The following GOLGA6C variants were observed in gnomAD, a reference collection of about 807,000 sequenced individuals.
GOLGA6C encodes the protein golgin A6 family member C, also known as golgin subfamily A member 6C.
GOLGA6C carries 3 observed loss-of-function variants against 57.5 expected under a neutral mutation model. That is an observed-to-expected ratio of 0.05 (90% CI 0.02 to 0.13). GOLGA6C has a LOEUF of 0.13. Ranked by LOEUF, GOLGA6C falls within the 10% of genes least tolerant of loss-of-function variation. The probability of loss-of-function intolerance (pLI) is 1.00; values close to 1 mark genes in which losing one functional copy is unlikely to be tolerated. For synonymous variants in GOLGA6C, 32 were observed against 203.8 expected (o/e 0.16, Z 7.18); for missense variants, 88 against 525.6 (o/e 0.17, Z 8.14).
At chr15:75,270,019 G>A in intron 17 of GOLGA6C, 34 bp downstream of exon 17, 1 of 1,594,770 alleles carries the variant, frequency 6.3e-7, no homozygotes, top group Non-Finnish European at 8.5e-7. Context: ...TGGGCAGGCA[G>A]GGGCAGGGGA....
At position 75,272,871 on chromosome 15, in the gene GOLGA6C, A is replaced by G. The variant is rs1419862062; in HGVS notation, c.*2672A>G. Among the ~76,000 whole-genome samples, 9 of 152,024 alleles carry G rather than the reference A, an allele frequency of 5.9e-5. No individual in the cohort carries two copies. Among genetic ancestry groups the G allele is most frequent in the African/African-American group, 2.2e-4 (9 of 41,218 alleles). ...CAGCTTTCAATTTGCTTAGAAGGCA[A>G]CATTAGAAGGGTAGAGTTTAATCAG... On this transcript the variant is annotated 3_prime_UTR_variant, in exon 18 of 18. Transcript: ENST00000300576.
chr15:75,259,100 C>G (rs1395222970), intron 1 of GOLGA6C, among the ~76,000 whole-genome samples: 1 of 151,968 alleles, frequency 6.6e-6, no homozygotes, highest in African/African-American at 2.4e-5. Flanking sequence ...ACTCTGCTCT[C>G]CCCTCCTGCT....
rs201850634 is a variant in GOLGA6C, at chr15:75,270,248, G to A, written c.*49G>A. 7.9e-5 allele frequency: 124 copies of A among 1,576,328 alleles called. 10 individuals are homozygous for A. The South Asian group carries it at 1.2e-3, about 16-fold the overall frequency. On this transcript the variant is annotated 3_prime_UTR_variant, in exon 18 of 18. Transcript: ENST00000300576. ...ACCCTGCGTGCCATTCTTCTACCAG[G>A]CAGCCGAGAACAGGGAGATAAACAT...
chr15:75,270,569 C>A lies in GOLGA6C; in HGVS notation c.*370C>A, dbSNP rs1314972857. Among the ~76,000 whole-genome samples the A allele has an allele frequency of 1.3e-5, 1 of 75,810 alleles. No homozygotes were observed. Among genetic ancestry groups the A allele is most frequent in the African/African-American group, 5.7e-5 (1 of 17,494 alleles). The allele number at this position is 75,810 out of a possible 152,430, so 49.7% of individuals were successfully genotyped here. A position where few individuals can be genotyped will look rare whatever the true frequency, so the allele number is the denominator to read the frequency against. Reference sequence around the variant, plus strand: ...GGGAATTCAAACACACAAAGACCCACTAATTTGCACAAAACTATTCTGGCT... The same window carrying A: ...GGGAATTCAAACACACAAAGACCCAATAATTTGCACAAAACTATTCTGGCT... On this transcript the variant is annotated 3_prime_UTR_variant, in exon 18 of 18. Coordinates refer to ENST00000300576, the MANE Select transcript of GOLGA6C (RefSeq NM_001164404.2).
At position 75,270,324 on chromosome 15, in the gene GOLGA6C, G is replaced by C. The variant is rs1289003109; in HGVS notation, c.*125G>C. 4.0e-5 allele frequency: 59 copies of C among 1,463,670 alleles called. 3 individuals carry two copies. The African/African-American group carries it at 7.7e-4, about 19-fold the overall frequency. 90.7% of individuals were successfully genotyped at this position (1,463,670 alleles called of 1,614,324 possible). Reference sequence around the variant, plus strand: ...AAATTTAAAACAACAACAACAAAAAGTTACGGGGTTCATCTCCTACACAAT... The same window carrying C: ...AAATTTAAAACAACAACAACAAAAACTTACGGGGTTCATCTCCTACACAAT... On this transcript the variant is annotated 3_prime_UTR_variant, in exon 18 of 18. Coordinates refer to ENST00000300576, the MANE Select transcript of GOLGA6C (RefSeq NM_001164404.2).
At chr15:75,261,829 T>A in intron 2 of GOLGA6C, among the ~76,000 whole-genome samples, 1 of 39,904 alleles carries the variant, frequency 2.5e-5, no homozygotes. Context: ...TTTTTTTTTT[T>A]TTTTTGAGAC....
intron 15 of GOLGA6C, 27 bp from the exon 16 acceptor site, chr15:75,269,612 T>TG (rs1379879922): frequency 8.7e-7 from 1 of 1,154,662 alleles, no homozygotes; most frequent in African/African-American, 1.8e-5. Context: ...GGAGGGACCC[T>TG]AGTGTCTGAG....
chr15:75,259,175 A>G (rs1329727910), intron 1 of GOLGA6C, among the ~76,000 whole-genome samples: 1 of 151,742 alleles, frequency 6.6e-6, no homozygotes, highest in Non-Finnish European at 1.5e-5. Context: ...TCCCAGCCCC[A>G]CGTCCCCCCT....
At position 75,258,825 on chromosome 15, in the gene GOLGA6C, C is replaced by T. The variant is rs1350924329; in HGVS notation, c.84+143C>T. 1.7e-5 allele frequency: 14 copies of T among 801,636 alleles called. 1 individual carries two copies. The highest frequency in any genetic ancestry group is 4.2e-6 in the Non-Finnish European group (2 of 472,124). 49.7% of individuals were successfully genotyped at this position (801,636 alleles called of 1,614,324 possible). On this transcript the variant is annotated intron_variant, in intron 1 of 17. Coordinates refer to ENST00000300576, the MANE Select transcript of GOLGA6C (RefSeq NM_001164404.2). ...CCCGGCGCCTCTGGGCTCCCCCCACCAAAGTCTTGTCAGTCAGCCCCGCCC... is the reference window on the plus strand; with the variant it reads ...CCCGGCGCCTCTGGGCTCCCCCCACTAAAGTCTTGTCAGTCAGCCCCGCCC...
rs2070784820 is a variant in GOLGA6C at position 75,270,516 on chromosome 15, A to T, written c.*317A>T. ...AATTTGATAATTGTAGGTCATTAGT[A>T]TGCATATCGAGTTTGCCCTTAGGTG... On this transcript the variant is annotated 3_prime_UTR_variant, in exon 18 of 18. Transcript: ENST00000300576. Among the ~76,000 whole-genome samples, 2 of 95,706 alleles carry T rather than the reference A, an allele frequency of 2.1e-5. No homozygotes were observed. The highest frequency in any genetic ancestry group is 9.0e-5 in the African/African-American group (2 of 22,112). 62.8% of individuals were successfully genotyped at this position (95,706 alleles called of 152,430 possible).
Position 75,265,154 on chromosome 15 carries a change from G to A in GOLGA6C, c.597G>A (p.Arg199=), listed in dbSNP as rs1002057812. The A allele has an allele frequency of 3.1e-6, 5 of 1,600,494 alleles. No individual in the cohort carries two copies. The highest frequency in any genetic ancestry group is 4.2e-6 in the Non-Finnish European group (5 of 1,176,956). The stretch of plus-strand genomic sequence containing the variant: ...GCTGCAGAGAAGCGGTCCTCCAGCG[G>A]CGGTTACAGCAGACCATAAAGGAGC... ...SSSCREAVLQ[R]RLQQTIKERA... The change falls in exon 8 of 18, where the codon CGG becomes CGA. Residue 199 remains arginine, a synonymous_variant. Transcript: ENST00000300576.
chr15:75,269,073 T>C (rs1223202320), intron 14 of GOLGA6C, among the ~76,000 whole-genome samples, 185 bp downstream of exon 14: 85 of 118,132 alleles, frequency 7.2e-4, no homozygotes, highest in African/African-American at 2.0e-3. Flanking sequence ...AGGGAAGGGG[T>C]TGTTCTCCAC....
Position 75,270,258 on chromosome 15 carries a change from A to G in GOLGA6C, c.*59A>G. 6.4e-7 allele frequency: 1 copy of G among 1,566,978 alleles called. No homozygotes were observed. Among genetic ancestry groups the G allele is most frequent in the South Asian group, 1.2e-5 (1 of 86,424 alleles). On this transcript the variant is annotated 3_prime_UTR_variant, in exon 18 of 18. Transcript: ENST00000300576. ...CCATTCTTCTACCAGGCAGCCGAGA[A>G]CAGGGAGATAAACATCATCATCTTC... is the stretch of plus-strand genomic sequence containing the variant.
Position 75,270,189 on chromosome 15 carries a change from A to G in GOLGA6C, c.2072A>G (p.Gln691Arg). 1 of 1,592,922 alleles carries G rather than the reference A, an allele frequency of 6.3e-7. No individual in the cohort carries two copies. The highest frequency in any genetic ancestry group is 8.5e-7 in the Non-Finnish European group (1 of 1,174,530). Residue 691 changes from glutamine to arginine, a missense_variant, in exon 18 of 18, where the codon CAG (glutamine) becomes CGG (arginine). Coordinates refer to ENST00000300576, the MANE Select transcript of GOLGA6C (RefSeq NM_001164404.2). ...QQIVQLSPVM[Q>R]DT The stretch of plus-strand genomic sequence containing the variant: ...ATCGTGCAGCTGTCTCCTGTCATGC[A>G]GGACACCTAGGAGCACCCAGGCTTG...
chr15:75,270,229 C>T lies in GOLGA6C; in HGVS notation c.*30C>T, dbSNP rs767720553. ...ACCCAGGCTTGCCCAGCAAACCCTG[C>T]GTGCCATTCTTCTACCAGGCAGCCG... is the stretch of plus-strand genomic sequence containing the variant. On this transcript the variant is annotated 3_prime_UTR_variant, in exon 18 of 18. Coordinates refer to ENST00000300576, the MANE Select transcript of GOLGA6C (RefSeq NM_001164404.2). The T allele has an allele frequency of 3.3e-5, 52 of 1,585,064 alleles. 7 individuals are homozygous for T. The East Asian group carries it at 5.7e-4, about 17-fold the overall frequency.
intron 14 of GOLGA6C, 139 bp from the exon 15 acceptor site, chr15:75,269,314 G>T (rs1267654585): frequency 1.9e-5 from 11 of 591,418 alleles, no homozygotes; most frequent in Non-Finnish European, 2.7e-5. Flanking sequence ...AGATGAGTTT[G>T]TGTGTGGGGA....
intron 1 of GOLGA6C, among the ~76,000 whole-genome samples, chr15:75,258,915 A>G (rs1418630292): frequency 4.0e-5 from 6 of 149,892 alleles, no homozygotes; most frequent in African/African-American, 1.5e-4. Flanking sequence ...GCGGATGACT[A>G]CTGGGGATAC....
Position 75,265,040 on chromosome 15 carries a change from G to A in GOLGA6C, c.565-82G>A. On this transcript the variant is annotated intron_variant, in intron 7 of 17. Coordinates refer to ENST00000300576, the MANE Select transcript of GOLGA6C (RefSeq NM_001164404.2). ...TGCCTTGACCTTTACTAACCGAGTT[G>A]TATATTGAGCCTAGCCCTAGCCCTT... 20 of 1,544,270 alleles carry A rather than the reference G, an allele frequency of 1.3e-5. 1 individual carries two copies. In the South Asian group the frequency reaches 2.2e-4, roughly 17 times the overall value.
chr15:75,264,439 GGTGTGT>G (rs368165570), intron 7 of GOLGA6C, among the ~76,000 whole-genome samples: 2 of 117,272 alleles, frequency 1.7e-5, no homozygotes, highest in African/African-American at 3.9e-5. Flanking sequence ...AGAGGAAAGG[GGTGTGT>G]GTGTGTGTGT....
Sources: allele counts gnomAD v4.1 joint callset (sites outside exome capture counted in the v4.1 genomes callset), GRCh38; gene constraint gnomAD v4.1.1; transcripts MANE v1.5; gene names NCBI Gene and HGNC (gene_info 2026-07-23, HGNC 2026-07-21).